Variants in ZNF536 observed in about 807,000 individuals in gnomAD.
The protein encoded by ZNF536 is zinc finger protein 536.
A neutral mutation model predicts 84.5 loss-of-function variants in ZNF536; 13 were observed. The observed-to-expected ratio is 0.15, with a 90% CI of 0.10 to 0.24. ZNF536 has a LOEUF of 0.24. ZNF536 is among the 10% of genes least tolerant of loss of function. The probability of loss-of-function intolerance (pLI) is 1.00; values close to 1 mark genes in which losing one functional copy is unlikely to be tolerated. For missense variants in ZNF536, 1,536 were observed against 1,747.5 expected (o/e 0.88, Z 2.16); for synonymous variants, 811 against 742.5 (o/e 1.09, Z -1.50).
At chr19:30,501,733 T>C (rs1330663239) in intron 2 of ZNF536, among the ~76,000 whole-genome samples, 15 of 152,234 alleles carry the variant, frequency 9.9e-5, no homozygotes, top group Admixed American at 9.8e-4. Flanking sequence ...ACAGAGCTCA[T>C]GAGGACCACA....
At chr19:30,522,241 T>A in intron 2 of ZNF536, among the ~76,000 whole-genome samples, 1 of 4,300 alleles carries the variant, frequency 2.3e-4, no homozygotes, top group South Asian at 0.019. Flanking sequence ...TGTGCCTGAT[T>A]GGCAGAGCTG....
intron 1 of ZNF536, among the ~76,000 whole-genome samples, chr19:30,702,303 A>G (rs2052017673): frequency 6.6e-6 from 1 of 152,336 alleles, no homozygotes; most frequent in Admixed American, 6.5e-5. Context: ...TATTATTCAT[A>G]GTGGATTAAA....
intron 3 of ZNF536, among the ~76,000 whole-genome samples, chr19:30,543,444 G>T (rs1187730340): frequency 6.6e-6 from 1 of 152,214 alleles, no homozygotes; most frequent in African/African-American, 2.4e-5. Context: ...CCATGGGGCT[G>T]CCCAGGCAAT....
chr19:30,516,771 CGG>C (rs2044094940), intron 2 of ZNF536, among the ~76,000 whole-genome samples: 1 of 152,158 alleles, frequency 6.6e-6, no homozygotes, highest in South Asian at 2.1e-4. Flanking sequence ...GGTTTAGAGA[CGG>C]AGTGTGCCGG....
intron 2 of ZNF536, among the ~76,000 whole-genome samples, chr19:30,476,523 T>C (rs2053852579): frequency 6.6e-6 from 1 of 152,220 alleles, no homozygotes; most frequent in Admixed American, 6.5e-5. Flanking sequence ...CAGCAATAAA[T>C]GTCAAACTGT....
chr19:30,547,371 G>A (rs762859800), intron 3 of ZNF536, among the ~76,000 whole-genome samples: 53 of 152,146 alleles, frequency 3.5e-4, no homozygotes, highest in Admixed American at 2.9e-3. Flanking sequence ...ATCTGAGCCC[G>A]TCTGGAATGG....
chr19:30,330,246 T>G (rs2047167526), intron 2 of ZNF536, among the ~76,000 whole-genome samples: 1 of 152,200 alleles, frequency 6.6e-6, no homozygotes, highest in Non-Finnish European at 1.5e-5. Flanking sequence ...CATGTAGAAG[T>G]TTGTGGCCAA....
intron 1 of ZNF536, among the ~76,000 whole-genome samples, chr19:30,263,177 T>C (rs916567797): frequency 6.6e-6 from 1 of 152,174 alleles, no homozygotes; most frequent in South Asian, 2.1e-4. Context: ...GCACAGCGCA[T>C]AGCAAACAGT....
At chr19:30,634,118 T>C (rs754728194) in intron 1 of ZNF536, among the ~76,000 whole-genome samples, 3 of 151,536 alleles carry the variant, frequency 2.0e-5, no homozygotes, top group Non-Finnish European at 4.4e-5. Context: ...GGGCAGACCA[T>C]CCCTACTGGC....
At chr19:30,648,940 A>T (rs1033933098) in intron 1 of ZNF536, among the ~76,000 whole-genome samples, 3 of 152,168 alleles carry the variant, frequency 2.0e-5, no homozygotes, top group African/African-American at 7.2e-5. Context: ...TTCCCTCTGA[A>T]CTTTAGGGGG....
At chr19:30,291,657 C>T (rs1280360563) in intron 2 of ZNF536, among the ~76,000 whole-genome samples, 3 of 152,128 alleles carry the variant, frequency 2.0e-5, no homozygotes, top group African/African-American at 7.2e-5. Context: ...GTGGAACTGC[C>T]ATACTGTTTT....
chr19:30,530,816 C>T (rs573423876), intron 2 of ZNF536, among the ~76,000 whole-genome samples: 22 of 152,356 alleles, frequency 1.4e-4, no homozygotes, highest in South Asian at 4.1e-4. Flanking sequence ...TGCTTTTATA[C>T]TCGGGGTAGA....
rs1414370756 is a variant in ZNF536 at position 30,444,624 on chromosome 19, C to T, written c.1062C>T (p.Phe354=). 3.1e-6 allele frequency: 5 copies of T among 1,613,960 alleles called. No homozygotes were observed. The highest frequency in any genetic ancestry group is 4.2e-6 in the Non-Finnish European group (5 of 1,180,054). The change falls in exon 2 of 5, where the codon TTC becomes TTT. Residue 354 remains phenylalanine (F), a synonymous_variant. Transcript: ENST00000355537. ...GCTGCGAGGTGTGCGGTCAGGTGTT[C>T]AGCCAGGCGTGGTTCCTCAAGGGTC... The part of the protein sequence containing the change: ...EFRCEVCGQV[F]SQAWFLKGHM...
intron 2 of ZNF536, among the ~76,000 whole-genome samples, chr19:30,496,992 A>T (rs2054747450): frequency 6.6e-6 from 1 of 152,086 alleles, no homozygotes; most frequent in East Asian, 1.9e-4. Context: ...CCTCTGGGGG[A>T]GCTTGGCTCA....
chr19:30,472,355 C>T (rs953205397), intron 2 of ZNF536, among the ~76,000 whole-genome samples: 5 of 152,282 alleles, frequency 3.3e-5, no homozygotes, highest in African/African-American at 9.6e-5. Flanking sequence ...AATTACATTG[C>T]TTTGTAGGCT....
rs188083058 is a variant in ZNF536, at chr19:30,609,561, A to C, written c.169+60047A>C. 9.6e-4 allele frequency among the ~76,000 whole-genome samples: 146 copies of C among 152,316 alleles called. 1 individual carries two copies. Among genetic ancestry groups the C allele is most frequent in the African/African-American group, 3.4e-3 (140 of 41,584 alleles). ...GGGCCCAAGAAGATGTGGTAAAGAA[A>C]AGTGTTTTCTTAGCTGTAAAGTTTT... On this transcript the variant is annotated intron_variant, in intron 1 of 1. Coordinates refer to the ZNF536 transcript ENST00000592773.
At chr19:30,416,773 A>AT (rs2050751253) in intron 1 of ZNF536, among the ~76,000 whole-genome samples, 1 of 152,014 alleles carries the variant, frequency 6.6e-6, no homozygotes. Flanking sequence ...ACTCTAGAAC[A>AT]TTTTTTTGGT....
chr19:30,498,992 A>T (rs2054837390), intron 2 of ZNF536, among the ~76,000 whole-genome samples: 1 of 151,030 alleles, frequency 6.6e-6, no homozygotes, highest in Non-Finnish European at 1.5e-5. Flanking sequence ...AATAAAAATA[A>T]GCCCGGCTAT....
rs370323894 is a variant in ZNF536, at chr19:30,548,152, C to G, written c.2533C>G (p.Leu845Val). Residue 845 changes from leucine to valine, a missense_variant, in exon 4 of 5, where the codon CTC (leucine) becomes GTC (valine). Around this residue, in one of 8 missense-constraint regions of ZNF536, gnomAD observed 624 missense variants for 603.1 expected, o/e 1.03. Transcript: ENST00000355537. ...PDILRGAFKGLPGIDFRGGPA... is the reference protein window; with the variant it reads ...PDILRGAFKGVPGIDFRGGPA... The stretch of plus-strand genomic sequence containing the variant: ...CATCCTGAGGGGGGCCTTCAAGGGT[C>G]TCCCTGGAATCGACTTCAGAGGAGG... 1 of 1,614,006 alleles carries G rather than the reference C, an allele frequency of 6.2e-7. No individual in the cohort carries two copies. The highest frequency in any genetic ancestry group is 1.3e-5 in the African/African-American group (1 of 74,936).
Sources: allele counts gnomAD v4.1 joint callset (sites outside exome capture counted in the v4.1 genomes callset), GRCh38; gene constraint gnomAD v4.1.1; regional missense constraint gnomAD v4.1.1; transcripts MANE v1.5; gene names NCBI Gene and HGNC (gene_info 2026-07-23, HGNC 2026-07-21).